The following GAK variants were observed in gnomAD, a reference collection of about 807,000 sequenced individuals.
GAK encodes the protein cyclin-G-associated kinase.
A neutral mutation model predicts 143.9 loss-of-function variants in GAK; 79 were observed. The ratio of observed to expected loss-of-function variants is 0.55; its 90% CI spans 0.46 to 0.66. GAK has a LOEUF of 0.66. Among genes scored for constraint, GAK ranks in the 30% least tolerant of loss-of-function variants. The pLI, the probability that GAK is intolerant of heterozygous loss-of-function variation, is 0.00. For synonymous variants in GAK, 881 were observed against 765.5 expected, an observed-to-expected ratio of 1.15 and a Z score of -2.49; for missense variants, 1,693 against 1,779.7, an observed-to-expected ratio of 0.95 and a Z score of 0.88.
chr4:869,962 A>ATTTG (rs1712163115), intron 19 of GAK: 1 of 151,332 alleles, frequency 6.6e-6, no homozygotes, highest in Admixed American at 6.6e-5. Flanking sequence ...GACGGTACAC[A>ATTTG]CGAACGCACA....
At chr4:895,345 A>G (rs932949218) in intron 7 of GAK, among the ~76,000 whole-genome samples, 7 of 152,252 alleles carry the variant, frequency 4.6e-5, no homozygotes, top group Non-Finnish European at 8.8e-5. Context: ...TCCAGCCAAG[A>G]GTAAGAGCTC....
At chr4:867,861 A>G (rs1306540318) in intron 20 of GAK, among the ~76,000 whole-genome samples, 25 of 152,212 alleles carry the variant, frequency 1.6e-4, no homozygotes, top group Admixed American at 1.6e-3. Flanking sequence ...AGGCGTCTCC[A>G]GCACACCCAC....
chr4:919,104 G>A (rs1723514040), intron 1 of GAK, among the ~76,000 whole-genome samples: 3 of 149,930 alleles, frequency 2.0e-5, no homozygotes, highest in Admixed American at 2.0e-4. Context: ...AAAGGCCTCA[G>A]CGCCCCATGA....
At chr4:892,114 T>C (rs1056194449) in intron 9 of GAK, among the ~76,000 whole-genome samples, 2 of 152,074 alleles carry the variant, frequency 1.3e-5, no homozygotes, top group African/African-American at 4.8e-5. Flanking sequence ...AAACCTTCCT[T>C]GTCCCACAGG....
chr4:893,245 G>C, intron 9 of GAK, 132 bp downstream of exon 9: 1 of 552,754 alleles, frequency 1.8e-6, no homozygotes, highest in Non-Finnish European at 3.1e-6. Context: ...TAGGGTTCAC[G>C]TGTGCCTCCC....
chr4:902,614 A>AAAAAAAAAAAAAAC (rs796109765), intron 5 of GAK, among the ~76,000 whole-genome samples: 1 of 148,292 alleles, frequency 6.7e-6, no homozygotes, highest in Non-Finnish European at 1.5e-5. Flanking sequence ...AAAAAAAAAA[A>AAAAAAAAAAAAAAC]CCCCAAAAAA....
At position 866,940 on chromosome 4, in the gene GAK, G is replaced by C; in HGVS notation, c.2872+16C>G. On this transcript the variant is annotated intron_variant, in intron 21 of 27. Transcript: ENST00000314167. ...TCTACTGTGAAGCCACTCGCCTTCAGAACAGAAACACGTACCAGCGGCAGG... is the reference window on the plus strand; with the variant it reads ...TCTACTGTGAAGCCACTCGCCTTCACAACAGAAACACGTACCAGCGGCAGG... 2 of 1,469,284 alleles carry C rather than the reference G, an allele frequency of 1.4e-6. No individual in the cohort carries two copies. The highest frequency in any genetic ancestry group is 1.4e-5 in the South Asian group (1 of 70,766). The allele number at this position is 1,469,284 out of a possible 1,614,324, so 91.0% of individuals were successfully genotyped here.
intron 1 of GAK, among the ~76,000 whole-genome samples, chr4:920,630 G>A (rs1487345739): frequency 4.3e-5 from 6 of 139,614 alleles, no homozygotes; most frequent in East Asian, 2.3e-4. Context: ...TGCAACCTCC[G>A]CCTCCCGGGT....
At chr4:881,881 C>A (rs1334564984) in intron 15 of GAK, 26 bp downstream of exon 15, 20 of 1,552,548 alleles carry the variant, frequency 1.3e-5, no homozygotes, top group Non-Finnish European at 1.7e-5. Context: ...AGAGCTGTCC[C>A]CTGTCCCCGG....
intron 15 of GAK, among the ~76,000 whole-genome samples, chr4:881,075 C>T (rs3775132): frequency 0.035 from 5,298 of 152,316 alleles, 187 homozygotes; most frequent in East Asian, 0.19. Context: ...GGGGCCCTCC[C>T]TGGGGATCCA....
In GAK at chr4:912,788, A is replaced by G. The variant is rs778014015; in HGVS notation, c.214T>C (p.Leu72=). 6.2e-7 allele frequency: 1 copy of G among 1,613,400 alleles called. No homozygotes were observed. Among genetic ancestry groups the G allele is most frequent in the Non-Finnish European group, 8.5e-7 (1 of 1,179,512 alleles). The part of the protein sequence containing the change: ...SGREYALKRL[L]SNEEEKNRAI... ...CTGTTCTTTTCCTCTTCATTGGATA[A>G]TAGCCTCTGTATCAGGAAACAGCAC... Residue 72 remains leucine, a synonymous_variant, in exon 3 of 28, where the codon TTA becomes CTA. Coordinates refer to ENST00000314167, the MANE Select transcript of GAK (RefSeq NM_005255.4).
rs538380504 is a variant in GAK, at chr4:899,786, G to A, written c.526-1628C>T. Among the ~76,000 whole-genome samples the A allele has an allele frequency of 2.4e-4, 37 of 152,338 alleles. No homozygotes were observed. The South Asian group carries it at 5.0e-3, about 20-fold the overall frequency. ...CAGTCCTAGAGAGGACGCCTGCTCC[G>A]CGGACCAGCAAGCTGAACAGGCTGT... On this transcript the variant is annotated intron_variant, in intron 5 of 27. Coordinates refer to ENST00000314167, the MANE Select transcript of GAK (RefSeq NM_005255.4).
chr4:888,168 A>C (rs575868241), intron 11 of GAK: 1 of 152,400 alleles, frequency 6.6e-6, no homozygotes, highest in Admixed American at 6.5e-5. Flanking sequence ...CACGGGCACC[A>C]GTCCAGCCCA....
Position 870,776 on chromosome 4 carries a change from C to G in GAK, c.2183G>C (p.Arg728Thr), listed in dbSNP as rs1301285187. ...EAPPWENSSM[R>T]GLNPKILFSS... ...AAACAGGATTTTGGGGTTCAGCCCC[C>G]TCATGCTCGAGTTCTCCCATGGTGG... Residue 728 changes from arginine to threonine, a missense_variant, in exon 19 of 28, where the codon AGG becomes ACG. Coordinates refer to ENST00000314167, the MANE Select transcript of GAK (RefSeq NM_005255.4). The G allele has an allele frequency of 1.2e-6, 2 of 1,614,170 alleles. No individual in the cohort carries two copies. Among genetic ancestry groups the G allele is most frequent in the Non-Finnish European group, 1.7e-6 (2 of 1,180,022 alleles).
chr4:904,734 AGGG>A lies in GAK; in HGVS notation c.425_427del (p.Pro142del). 2.5e-6 allele frequency: 4 copies of A among 1,614,204 alleles called. No individual in the cohort carries two copies. The highest frequency in any genetic ancestry group is 3.4e-6 in the Non-Finnish European group (4 of 1,180,010). ...GATCTTCAGAACCGTGTCGCACGAA[AGGG>A]GGCCTCGAGATTCCATTTTCTTCAA... On this transcript the variant is annotated inframe_deletion, in exon 5 of 28. Transcript: ENST00000314167.
chr4:920,201 G>A (rs567842290), intron 1 of GAK, among the ~76,000 whole-genome samples: 4 of 151,746 alleles, frequency 2.6e-5, no homozygotes, highest in Admixed American at 1.3e-4. Context: ...CCAGCTACTC[G>A]GGAGGCTGAG....
In GAK at chr4:876,665, C is replaced by T. The variant is rs529789264; in HGVS notation, c.1975-56G>A. On this transcript the variant is annotated intron_variant, in intron 17 of 27. Coordinates refer to ENST00000314167, the MANE Select transcript of GAK (RefSeq NM_005255.4). ...TGGAGGGTGAATCCAGATCCTGGGG[C>T]CACAGGCCAATTTTTCCCAATGGGC... 6 of 1,510,234 alleles carry T rather than the reference C, an allele frequency of 4.0e-6. No homozygotes were observed. In the African/African-American group the frequency reaches 5.5e-5, roughly 14 times the overall value. 93.6% of individuals were successfully genotyped at this position (1,510,234 alleles called of 1,614,324 possible).
chr4:882,253 T>C (rs532880462), intron 14 of GAK, among the ~76,000 whole-genome samples: 123 of 152,320 alleles, frequency 8.1e-4, no homozygotes, highest in African/African-American at 2.7e-3. Flanking sequence ...AGAACAGGGC[T>C]AGGGCCACTC....
intron 18 of GAK, among the ~76,000 whole-genome samples, chr4:872,071 G>C (rs553262573): frequency 6.6e-6 from 1 of 152,360 alleles, no homozygotes; most frequent in African/African-American, 2.4e-5. Context: ...ATCCGCCGAG[G>C]GAGGGCAGGG....
Sources: gnomAD v4.1 joint callset for allele counts (sites outside exome capture counted in the v4.1 genomes callset) on GRCh38, gnomAD v4.1.1 for gene constraint, MANE v1.5 for transcripts, NCBI Gene and HGNC (gene_info 2026-07-23, HGNC 2026-07-21) for gene names.